Variants in NDST4 observed in about 807,000 individuals in gnomAD.
NDST4 encodes N-deacetylase and N-sulfotransferase 4, also known as N-heparan sulfate sulfotransferase 4.
A neutral mutation model predicts 100.8 loss-of-function variants in NDST4; 63 were observed. The ratio of observed to expected loss-of-function variants is 0.62; its 90% CI spans 0.51 to 0.77. The LOEUF (loss-of-function observed/expected upper bound fraction) is 0.77. NDST4 is among the 30% of genes least tolerant of loss of function. NDST4 has a pLI of 0.00. For missense variants in NDST4, 943 were observed against 1,018.4 expected (o/e 0.93, Z 1.01); for synonymous variants, 377 against 361.8 (o/e 1.04, Z -0.48).
intron 6 of NDST4, among the ~76,000 whole-genome samples, chr4:114,921,441 C>G (rs967297985): frequency 3.9e-5 from 6 of 152,126 alleles, no homozygotes; most frequent in Non-Finnish European, 7.4e-5. Context: ...CAAGAAACAA[C>G]CAAGCAAAAT....
intron 3 of NDST4, among the ~76,000 whole-genome samples, chr4:114,976,130 G>A (rs538282130): frequency 1.3e-5 from 2 of 152,006 alleles, no homozygotes; most frequent in South Asian, 4.2e-4. Flanking sequence ...AAACCATATT[G>A]AGCTTTTACA....
intron 6 of NDST4, among the ~76,000 whole-genome samples, chr4:114,899,363 T>C (rs1371255475): frequency 2.0e-5 from 3 of 151,844 alleles, no homozygotes; most frequent in Admixed American, 1.3e-4. Context: ...ATTTTTAGTA[T>C]AGACAGGGTT....
chr4:114,895,019 C>T (rs1578371805), intron 6 of NDST4, among the ~76,000 whole-genome samples: 1 of 151,900 alleles, frequency 6.6e-6, no homozygotes, highest in Non-Finnish European at 1.5e-5. Flanking sequence ...GCACTAAATG[C>T]CCACATCAGA....
In NDST4 at chr4:114,909,350, AC is replaced by A. The variant is rs552168255; in HGVS notation, c.1536+25855del. Among the ~76,000 whole-genome samples, 1,081 of 152,272 alleles carry A rather than the reference AC, an allele frequency of 7.1e-3. 10 individuals are homozygous for A. The highest frequency in any genetic ancestry group is 0.025 in the African/African-American group (1,039 of 41,548). On this transcript the variant is annotated intron_variant, in intron 6 of 13. Transcript: ENST00000264363. ...GGTTACAGGTCTTAAAATCTCAACT[AC>A]TGAGACTTCTTAGAAAGCTAAATTA...
intron 2 of NDST4, among the ~76,000 whole-genome samples, chr4:115,043,751 A>C (rs1728403036): frequency 6.6e-6 from 1 of 152,130 alleles, no homozygotes; most frequent in African/African-American, 2.4e-5. Context: ...TTTTGATTTA[A>C]ATAAGATGCC....
At chr4:114,941,930 A>G (rs557602354) in intron 4 of NDST4, among the ~76,000 whole-genome samples, 45 of 152,340 alleles carry the variant, frequency 3.0e-4, no homozygotes, top group African/African-American at 1.1e-3. Context: ...TAATAAGTAT[A>G]AAAAGATTTA....
intron 2 of NDST4, among the ~76,000 whole-genome samples, chr4:114,991,852 C>T (rs973389193): frequency 7.9e-5 from 12 of 151,940 alleles, no homozygotes; most frequent in East Asian, 1.9e-4. Context: ...TACTACACTG[C>T]TTTTTAATTA....
intron 2 of NDST4, among the ~76,000 whole-genome samples, chr4:115,037,823 C>A (rs1359807254): frequency 6.6e-6 from 1 of 152,026 alleles, no homozygotes; most frequent in Non-Finnish European, 1.5e-5. Flanking sequence ...GATATTATGT[C>A]CCCCTCAGTA....
intron 1 of NDST4, among the ~76,000 whole-genome samples, chr4:115,079,471 A>T (rs945809078): frequency 1.3e-5 from 2 of 152,038 alleles, no homozygotes; most frequent in Non-Finnish European, 2.9e-5. Context: ...TCAATGAATT[A>T]CTTTCTATAC....
chr4:114,966,954 G>A (rs1180382764), intron 4 of NDST4, among the ~76,000 whole-genome samples: 1 of 152,048 alleles, frequency 6.6e-6, no homozygotes, highest in East Asian at 1.9e-4. Context: ...GAGATATAAA[G>A]ACATTAAATA....
chr4:114,991,012 C>A (rs1727025274), intron 2 of NDST4, among the ~76,000 whole-genome samples: 1 of 151,952 alleles, frequency 6.6e-6, no homozygotes, highest in African/African-American at 2.4e-5. Context: ...GAGAGGAAGA[C>A]AACAAATTTT....
At chr4:114,997,219 A>G (rs1315153883) in intron 2 of NDST4, among the ~76,000 whole-genome samples, 1 of 152,108 alleles carries the variant, frequency 6.6e-6, no homozygotes, top group Non-Finnish European at 1.5e-5. Context: ...ATTCCCACTA[A>G]CTAGTCCTCT....
chr4:115,070,370 C>A (rs191775468), intron 2 of NDST4, among the ~76,000 whole-genome samples: 1 of 152,018 alleles, frequency 6.6e-6, no homozygotes, highest in Non-Finnish European at 1.5e-5. Context: ...GATGAGAACA[C>A]ATGGACACAT....
intron 2 of NDST4, among the ~76,000 whole-genome samples, chr4:115,007,589 CTG>C (rs2126258884): frequency 1.5e-5 from 1 of 67,196 alleles, no homozygotes; most frequent in South Asian, 7.5e-4. Flanking sequence ...CAACAGAAAG[CTG>C]GAATGATGAT....
chr4:115,009,348 T>C (rs1371154547), intron 2 of NDST4, among the ~76,000 whole-genome samples: 2 of 127,872 alleles, frequency 1.6e-5, no homozygotes, highest in African/African-American at 3.0e-5. Flanking sequence ...TATAGATCAA[T>C]GGAACAGAAC....
At chr4:114,830,583 G>A (rs533342765) in intron 12 of NDST4, among the ~76,000 whole-genome samples, 1 of 152,308 alleles carries the variant, frequency 6.6e-6, no homozygotes, top group Admixed American at 6.5e-5. Flanking sequence ...TAAAAGAAAG[G>A]ATGTGTGGCC....
intron 2 of NDST4, among the ~76,000 whole-genome samples, chr4:115,043,897 T>C (rs773800576): frequency 6.6e-6 from 1 of 152,084 alleles, no homozygotes; most frequent in Admixed American, 6.6e-5. Flanking sequence ...GTCAAAAAGA[T>C]GTTATACGAC....
intron 2 of NDST4, among the ~76,000 whole-genome samples, chr4:115,043,541 C>T (rs952224535): frequency 2.0e-5 from 3 of 151,952 alleles, no homozygotes; most frequent in Non-Finnish European, 2.9e-5. Context: ...TACATAGAGG[C>T]ATCATGGAGT....
chr4:114,938,769 A>G (rs889583393), intron 4 of NDST4, among the ~76,000 whole-genome samples: 1 of 152,228 alleles, frequency 6.6e-6, no homozygotes, highest in African/African-American at 2.4e-5. Context: ...ACAAGTCTCC[A>G]TCATTCTGCC....
Sources: allele counts gnomAD v4.1 joint callset (sites outside exome capture counted in the v4.1 genomes callset), GRCh38; gene constraint gnomAD v4.1.1; transcripts MANE v1.5; gene names NCBI Gene and HGNC (gene_info 2026-07-23, HGNC 2026-07-21).